The following ZNF385B variants were observed in gnomAD, a reference collection of about 807,000 sequenced individuals.
ZNF385B encodes the protein zinc finger protein 533.
Under a neutral mutation model 39.2 loss-of-function variants are expected in ZNF385B, and 23 were observed. The observed-to-expected ratio is 0.59, with a 90% CI of 0.42 to 0.83. ZNF385B has a LOEUF of 0.83. Ranked by LOEUF, ZNF385B falls within the 40% of genes least tolerant of loss-of-function variation. The pLI is 0.00. For missense variants in ZNF385B, 552 were observed against 598.9 expected (o/e 0.92, Z 0.82); for synonymous variants, 205 against 222.6 (o/e 0.92, Z 0.70).
chr2:179,517,068 A>G (rs1015806907), intron 5 of ZNF385B, among the ~76,000 whole-genome samples: 3 of 151,816 alleles, frequency 2.0e-5, no homozygotes, highest in Non-Finnish European at 2.9e-5. Context: ...GTGTGAGTCT[A>G]TTTCTGGACT....
chr2:179,518,371 G>A (rs1488447705), intron 5 of ZNF385B, among the ~76,000 whole-genome samples, 157 bp downstream of exon 5: 2 of 152,178 alleles, frequency 1.3e-5, no homozygotes, highest in Non-Finnish European at 2.9e-5. Context: ...TTTAGGCATT[G>A]AACCCAAATC....
chr2:179,785,527 A>G (rs1704942907), intron 1 of ZNF385B, among the ~76,000 whole-genome samples: 1 of 152,166 alleles, frequency 6.6e-6, no homozygotes. Flanking sequence ...GATTCATAAG[A>G]GGAGCTCAAA....
intron 3 of ZNF385B, among the ~76,000 whole-genome samples, chr2:179,756,276 A>G (rs972154295): frequency 1.3e-5 from 2 of 152,116 alleles, no homozygotes; most frequent in African/African-American, 4.8e-5. Flanking sequence ...TGGGTTGAAA[A>G]TTCTTTTCTT....
chr2:179,620,998 G>C (rs1690162461), intron 3 of ZNF385B, among the ~76,000 whole-genome samples: 1 of 151,224 alleles, frequency 6.6e-6, no homozygotes, highest in Non-Finnish European at 1.5e-5. Context: ...AAAGGAGATA[G>C]TTAGTGTGTT....
chr2:179,447,142 A>T (rs1429823488), intron 6 of ZNF385B, among the ~76,000 whole-genome samples: 1 of 152,242 alleles, frequency 6.6e-6, no homozygotes, highest in African/African-American at 2.4e-5. Flanking sequence ...ACATGAAAGA[A>T]GCCATTAGGC....
chr2:179,571,526 C>T (rs1159822786), intron 3 of ZNF385B, among the ~76,000 whole-genome samples: 1 of 152,162 alleles, frequency 6.6e-6, no homozygotes, highest in Non-Finnish European at 1.5e-5. Flanking sequence ...AACTCATATC[C>T]CTGTTTTGGC....
intron 3 of ZNF385B, among the ~76,000 whole-genome samples, chr2:179,654,180 G>C (rs6433801): frequency 0.13 from 19,239 of 152,150 alleles, 1,860 homozygotes; most frequent in African/African-American, 0.27. Context: ...ATGTGAAAAG[G>C]TTGTCCTTGT....
chr2:179,516,129 T>C, intron 5 of ZNF385B, among the ~76,000 whole-genome samples: 1 of 152,278 alleles, frequency 6.6e-6, no homozygotes, highest in Middle Eastern at 3.4e-3. Context: ...TATTTCTATT[T>C]ACTTTTATTT....
At chr2:179,462,487 C>T (rs991531568) in intron 6 of ZNF385B, among the ~76,000 whole-genome samples, 17 of 152,012 alleles carry the variant, frequency 1.1e-4, no homozygotes, top group African/African-American at 4.1e-4. Flanking sequence ...TCCTCCTTAC[C>T]TACACATTTG....
chr2:179,840,818 C>T (rs150067272), intron 1 of ZNF385B, among the ~76,000 whole-genome samples: 1 of 152,262 alleles, frequency 6.6e-6, no homozygotes, highest in African/African-American at 2.4e-5. Context: ...TAACATTTCT[C>T]AACTATGCAC....
chr2:179,761,635 G>A (rs1236928780), intron 3 of ZNF385B, among the ~76,000 whole-genome samples: 1 of 151,376 alleles, frequency 6.6e-6, no homozygotes, highest in African/African-American at 2.4e-5. Flanking sequence ...CTGGAGTACA[G>A]TGGTGTGATT....
chr2:179,589,878 A>G (rs1354504742), intron 3 of ZNF385B, among the ~76,000 whole-genome samples: 1 of 152,212 alleles, frequency 6.6e-6, no homozygotes, highest in Non-Finnish European at 1.5e-5. Flanking sequence ...TCTGAAACCT[A>G]CTGTTGATCT....
At chr2:179,463,278 A>G (rs977783668) in intron 6 of ZNF385B, among the ~76,000 whole-genome samples, 6 of 151,884 alleles carry the variant, frequency 4.0e-5, no homozygotes, top group Admixed American at 3.3e-4. Context: ...CAATATTACA[A>G]TTTCTTCCAT....
chr2:179,637,880 A>T (rs1200882915), intron 3 of ZNF385B, among the ~76,000 whole-genome samples: 4 of 152,254 alleles, frequency 2.6e-5, no homozygotes, highest in African/African-American at 9.6e-5. Context: ...TGTTAGTACA[A>T]GTAAGAAAAA....
chr2:179,804,364 G>C (rs1235529566), intron 1 of ZNF385B, among the ~76,000 whole-genome samples: 1 of 152,188 alleles, frequency 6.6e-6, no homozygotes, highest in Non-Finnish European at 1.5e-5. Context: ...ACAGCAATTA[G>C]AATGCCAGTG....
chr2:179,860,057 C>A (rs961729150), intron 1 of ZNF385B, among the ~76,000 whole-genome samples: 13 of 152,178 alleles, frequency 8.5e-5, no homozygotes, highest in African/African-American at 3.1e-4. Flanking sequence ...TTAGGCTAGG[C>A]CCTATAACAG....
intron 3 of ZNF385B, among the ~76,000 whole-genome samples, chr2:179,767,217 T>C (rs1014196622): frequency 1.3e-5 from 2 of 152,146 alleles, no homozygotes; most frequent in African/African-American, 4.8e-5. Context: ...GATCCCTTCA[T>C]CCACAGGGTC....
intron 3 of ZNF385B, among the ~76,000 whole-genome samples, chr2:179,641,258 C>A (rs969094645): frequency 6.6e-6 from 1 of 152,030 alleles, no homozygotes; most frequent in Non-Finnish European, 1.5e-5. Context: ...CCTGAAGGAA[C>A]GACATTCTAA....
chr2:179,787,421 T>A (rs534772118), intron 1 of ZNF385B, among the ~76,000 whole-genome samples: 3 of 152,178 alleles, frequency 2.0e-5, no homozygotes, highest in African/African-American at 7.2e-5. Context: ...TTAAAACCAA[T>A]ACAATATCTC....
Sources: gnomAD v4.1 joint callset for allele counts (sites outside exome capture counted in the v4.1 genomes callset) on GRCh38, gnomAD v4.1.1 for gene constraint, MANE v1.5 for transcripts, NCBI Gene and HGNC (gene_info 2026-07-23, HGNC 2026-07-21) for gene names.